Variants in EXOC4 observed in about 807,000 individuals in gnomAD.
EXOC4 encodes exocyst complex component 4, also known as SEC8-like 1.
Under a neutral mutation model 107.2 loss-of-function variants are expected in EXOC4, and 71 were observed. The ratio of observed to expected loss-of-function variants is 0.66; its 90% confidence interval spans 0.55 to 0.81. EXOC4 has a LOEUF of 0.81. Ranked by LOEUF, EXOC4 falls within the 30% of genes least tolerant of loss-of-function variation. The probability of loss-of-function intolerance (pLI) is 0.00; values close to 1 mark genes in which losing one functional copy is unlikely to be tolerated. For synonymous variants in EXOC4, 456 were observed against 441.2 expected (o/e 1.03, Z -0.42); for missense variants, 1,108 against 1,189.6 (o/e 0.93, Z 1.01).
intron 10 of EXOC4, among the ~76,000 whole-genome samples, chr7:133,691,180 T>C (rs935105283): frequency 1.3e-5 from 2 of 152,182 alleles, no homozygotes; most frequent in Non-Finnish European, 2.9e-5. Flanking sequence ...TTAAGTAAGC[T>C]AAACTTAATG....
chr7:133,997,793 T>C (rs111427592), intron 15 of EXOC4, among the ~76,000 whole-genome samples, 160 bp downstream of exon 15: 8 of 152,254 alleles, frequency 5.3e-5, no homozygotes, highest in African/African-American at 9.6e-5. Flanking sequence ...CAGTGATTAT[T>C]TGAGCGCACA....
chr7:133,291,046 A>T (rs17167009), intron 3 of EXOC4: 1 of 151,010 alleles, frequency 6.6e-6, no homozygotes, highest in Non-Finnish European at 1.5e-5. Flanking sequence ...TTTTTTTTTC[A>T]TAATTCAGAA....
intron 1 of EXOC4, among the ~76,000 whole-genome samples, chr7:133,263,079 G>A (rs561695171): frequency 6.4e-4 from 98 of 152,046 alleles, no homozygotes; most frequent in Non-Finnish European, 1.2e-3. Flanking sequence ...CTCCTCATTC[G>A]CCTTCTGCCA....
At chr7:133,578,910 A>C (rs1801190902) in intron 9 of EXOC4, among the ~76,000 whole-genome samples, 1 of 152,188 alleles carries the variant, frequency 6.6e-6, no homozygotes, top group Admixed American at 6.5e-5. Context: ...ATGACTTTGC[A>C]GTGCCACGAC....
intron 9 of EXOC4, among the ~76,000 whole-genome samples, chr7:133,585,243 C>A (rs1181785440): frequency 6.6e-6 from 1 of 152,194 alleles, no homozygotes; most frequent in African/African-American, 2.4e-5. Flanking sequence ...CTTGTGTTAT[C>A]TGTGTAACTT....
chr7:133,404,363 A>G (rs1283801289), intron 7 of EXOC4, among the ~76,000 whole-genome samples: 1 of 152,046 alleles, frequency 6.6e-6, no homozygotes, highest in African/African-American at 2.4e-5. Flanking sequence ...TCAGCCTCCC[A>G]AAGTGCTGGG....
chr7:133,487,303 C>T (rs945510310), intron 9 of EXOC4, among the ~76,000 whole-genome samples: 3 of 152,192 alleles, frequency 2.0e-5, no homozygotes, highest in African/African-American at 7.2e-5. Context: ...TCTATTCATT[C>T]ATACAGATGT....
chr7:133,678,755 C>T (rs946922876), intron 10 of EXOC4, among the ~76,000 whole-genome samples: 3 of 151,984 alleles, frequency 2.0e-5, no homozygotes, highest in Non-Finnish European at 4.4e-5. Context: ...GGACCACAGG[C>T]GCATGCCTCC....
intron 9 of EXOC4, among the ~76,000 whole-genome samples, chr7:133,490,646 G>T (rs1215106633): frequency 6.6e-6 from 1 of 152,078 alleles, no homozygotes; most frequent in Admixed American, 6.5e-5. Context: ...ATTATAATTT[G>T]TTACTTTCAG....
intron 11 of EXOC4, among the ~76,000 whole-genome samples, chr7:133,818,670 T>G (rs1312183071): frequency 1.3e-5 from 2 of 152,166 alleles, no homozygotes; most frequent in Non-Finnish European, 2.9e-5. Flanking sequence ...CAAAGGAACG[T>G]GCTTGCTCTT....
intron 13 of EXOC4, among the ~76,000 whole-genome samples, chr7:133,935,141 G>T (rs1436378610): frequency 1.3e-5 from 2 of 151,636 alleles, no homozygotes; most frequent in African/African-American, 4.9e-5. Flanking sequence ...CACCATCTTT[G>T]GGCTCCATTA....
intron 9 of EXOC4, among the ~76,000 whole-genome samples, chr7:133,505,623 C>T (rs1799652410): frequency 1.3e-5 from 2 of 152,008 alleles, no homozygotes; most frequent in African/African-American, 4.8e-5. Context: ...TGCAAGACGT[C>T]CTAAGTTAGA....
chr7:133,965,238 CAGAT>C (rs1227514384), intron 14 of EXOC4, among the ~76,000 whole-genome samples: 3 of 152,168 alleles, frequency 2.0e-5, no homozygotes, highest in Non-Finnish European at 4.4e-5. Flanking sequence ...AACCCATTGT[CAGAT>C]GGATAGATTG....
chr7:134,030,305 AT>A (rs1477474857), intron 17 of EXOC4, among the ~76,000 whole-genome samples: 2 of 152,372 alleles, frequency 1.3e-5, no homozygotes, highest in Non-Finnish European at 2.9e-5. Context: ...AGTATTCATA[AT>A]AGCCAAAAGG....
At chr7:133,549,321 T>C (rs1249240061) in intron 9 of EXOC4, among the ~76,000 whole-genome samples, 1 of 152,206 alleles carries the variant, frequency 6.6e-6, no homozygotes, top group Non-Finnish European at 1.5e-5. Flanking sequence ...GACGTGTGAC[T>C]TTTCCTTTCA....
At chr7:133,983,882 C>T (rs545183470) in intron 14 of EXOC4, among the ~76,000 whole-genome samples, 2 of 152,318 alleles carry the variant, frequency 1.3e-5, no homozygotes, top group East Asian at 3.9e-4. Flanking sequence ...AGCCCCCACT[C>T]CCCTACCCAC....
At position 133,579,128 on chromosome 7, in the gene EXOC4, A is replaced by G. The variant is rs138707173; in HGVS notation, c.1418-50917A>G. On this transcript the variant is annotated intron_variant, in intron 9 of 17. Coordinates refer to ENST00000253861, the MANE Select transcript of EXOC4 (RefSeq NM_021807.4). Reference sequence around the variant, plus strand: ...TTGTTCTTTAAAGCAATAAATGACTATGAATATTCATGGTCAATTAAAATA... The same window carrying G: ...TTGTTCTTTAAAGCAATAAATGACTGTGAATATTCATGGTCAATTAAAATA... 1.2e-4 allele frequency among the ~76,000 whole-genome samples: 19 copies of G among 152,324 alleles called. No individual in the cohort carries two copies. The East Asian group carries it at 3.1e-3, about 25-fold the overall frequency.
intron 7 of EXOC4, among the ~76,000 whole-genome samples, chr7:133,418,460 T>G (rs1213880243): frequency 6.6e-6 from 1 of 152,192 alleles, no homozygotes; most frequent in Non-Finnish European, 1.5e-5. Flanking sequence ...ACAGTGTTCA[T>G]GGAAAATAAT....
chr7:133,419,203 A>G (rs1359560264), intron 7 of EXOC4, among the ~76,000 whole-genome samples: 1 of 152,192 alleles, frequency 6.6e-6, no homozygotes, highest in Non-Finnish European at 1.5e-5. Flanking sequence ...TAGATGAATC[A>G]TGTAATGAGG....
Sources: allele counts gnomAD v4.1 joint callset (sites outside exome capture counted in the v4.1 genomes callset), GRCh38; gene constraint gnomAD v4.1.1; transcripts MANE v1.5; gene names NCBI Gene and HGNC (gene_info 2026-07-23, HGNC 2026-07-21).